The following RAPH1 variants were observed in gnomAD, a reference collection of about 807,000 sequenced individuals.
The protein encoded by RAPH1 is ras-associated and pleckstrin homology domains-containing protein 1.
Under a neutral mutation model 88.1 loss-of-function variants are expected in RAPH1, and 18 were observed. The observed-to-expected ratio is 0.20, with a 90% CI of 0.14 to 0.30. The LOEUF is 0.30. Among genes scored for constraint, RAPH1 ranks in the 10% least tolerant of loss-of-function variants. The pLI, the probability that RAPH1 is intolerant of heterozygous loss-of-function variation, is 1.00. For missense variants in RAPH1, 1,448 were observed against 1,543.2 expected (o/e 0.94, Z 1.03); for synonymous variants, 587 against 559.0 (o/e 1.05, Z -0.71).
At chr2:203,491,109 T>C (rs1371972367) in intron 3 of RAPH1, 105 bp downstream of exon 3, 1 of 615,650 alleles carries the variant, frequency 1.6e-6, no homozygotes, top group African/African-American at 1.9e-5. Context: ...GAGTTATGCA[T>C]GTAGCTTTTA....
At chr2:203,455,393 A>T in intron 9 of RAPH1, 44 bp downstream of exon 9, 2 of 1,587,356 alleles carry the variant, frequency 1.3e-6, no homozygotes, top group South Asian at 2.3e-5. Context: ...ATTAAAAGCA[A>T]TTAGCATAAT....
intron 10 of RAPH1, among the ~76,000 whole-genome samples, chr2:203,452,191 T>C (rs2098515485): frequency 6.6e-6 from 1 of 152,222 alleles, no homozygotes. Context: ...CCAATAACTT[T>C]CTTTTACGTG....
At chr2:203,510,239 C>A (rs114269949) in intron 1 of RAPH1, among the ~76,000 whole-genome samples, 1 of 143,986 alleles carries the variant, frequency 6.9e-6, no homozygotes, top group Non-Finnish European at 1.5e-5. Context: ...AGGAGGCTAA[C>A]GTAGGAAAAT....
At chr2:203,489,550 A>G (rs761449471) in intron 4 of RAPH1, 34 bp downstream of exon 4, 2 of 1,400,876 alleles carry the variant, frequency 1.4e-6, no homozygotes, top group South Asian at 2.0e-5. Context: ...TATTTTAATA[A>G]CAAAATACCA....
intron 1 of RAPH1, among the ~76,000 whole-genome samples, chr2:203,514,815 A>C (rs1049263421): frequency 6.6e-6 from 1 of 152,020 alleles, no homozygotes; most frequent in South Asian, 2.1e-4. Context: ...CAGCCTCCCA[A>C]AGTGCTAGGC....
chr2:203,506,523 A>C (rs1010713916), intron 1 of RAPH1, among the ~76,000 whole-genome samples: 1 of 149,974 alleles, frequency 6.7e-6, no homozygotes, highest in African/African-American at 2.5e-5. Context: ...CCGTCTCAAA[A>C]AAAAACAAAA....
chr2:203,491,061 G>GA (rs1688241826), intron 3 of RAPH1, among the ~76,000 whole-genome samples, 153 bp downstream of exon 3: 1 of 147,568 alleles, frequency 6.8e-6, no homozygotes, highest in African/African-American at 2.5e-5. Flanking sequence ...AAAAAAAAAA[G>GA]AAAAAAGAAA....
intron 4 of RAPH1, 99 bp from the exon 5 acceptor site, chr2:203,462,024 T>G (rs2098524593): frequency 2.3e-6 from 2 of 884,086 alleles, no homozygotes; most frequent in Non-Finnish European, 3.4e-6. Context: ...TAAATTTCAT[T>G]AAGAATATAA....
chr2:203,530,386 T>C (rs1233535769), intron 1 of RAPH1, among the ~76,000 whole-genome samples: 1 of 152,198 alleles, frequency 6.6e-6, no homozygotes, highest in African/African-American at 2.4e-5. Flanking sequence ...AAACAATCCA[T>C]TTATTTTTGT....
chr2:203,516,197 C>T (rs1337374785), intron 1 of RAPH1, among the ~76,000 whole-genome samples: 4 of 151,938 alleles, frequency 2.6e-5, no homozygotes, highest in African/African-American at 9.7e-5. Flanking sequence ...AAGTGGATTT[C>T]AATTAGTTGT....
chr2:203,478,458 T>G (rs897978428), intron 4 of RAPH1, among the ~76,000 whole-genome samples: 6 of 152,086 alleles, frequency 3.9e-5, no homozygotes, highest in African/African-American at 1.4e-4. Context: ...TACAATAAAT[T>G]ATCACTTCAT....
intron 1 of RAPH1, among the ~76,000 whole-genome samples, chr2:203,513,654 G>A (rs953774380): frequency 7.3e-5 from 11 of 150,558 alleles, no homozygotes; most frequent in South Asian, 2.1e-4. Context: ...GGCCAACATG[G>A]TGAAACCCCG....
chr2:203,472,142 T>TA lies in RAPH1; in HGVS notation c.733-10218dup, dbSNP rs1045543530. On this transcript the variant is annotated intron_variant, in intron 4 of 13. Coordinates refer to ENST00000319170, the MANE Select transcript of RAPH1 (RefSeq NM_213589.3). The stretch of plus-strand genomic sequence containing the variant: ...TTCTTTAGTTCTTTTTTTTTTTTTT[T>TA]ATTTTTTTGAGACAGAGTCTCCCTC... Among the ~76,000 whole-genome samples, 24 of 151,264 alleles carry TA rather than the reference T, an allele frequency of 1.6e-4. No homozygotes were observed. The East Asian group carries it at 4.4e-3, about 28-fold the overall frequency.
At chr2:203,513,317 A>T (rs542345479) in intron 1 of RAPH1, among the ~76,000 whole-genome samples, 1 of 146,640 alleles carries the variant, frequency 6.8e-6, no homozygotes, top group South Asian at 2.1e-4. Context: ...CTTCACTCTC[A>T]ATTTCTTCCT....
chr2:203,522,870 T>C (rs1318695300), intron 1 of RAPH1, among the ~76,000 whole-genome samples: 1 of 122,960 alleles, frequency 8.1e-6, no homozygotes, highest in Admixed American at 1.1e-4. Flanking sequence ...CACTCTAGCC[T>C]GGGCAACAGA....
At chr2:203,533,890 A>T (rs1273859310) in intron 1 of RAPH1, among the ~76,000 whole-genome samples, 1 of 152,062 alleles carries the variant, frequency 6.6e-6, no homozygotes, top group Non-Finnish European at 1.5e-5. Context: ...TGTTATTCCC[A>T]TTTTACTGAT....
chr2:203,514,990 A>G (rs999468245), intron 1 of RAPH1, among the ~76,000 whole-genome samples: 1 of 152,198 alleles, frequency 6.6e-6, no homozygotes, highest in Non-Finnish European at 1.5e-5. Flanking sequence ...CATATTTATT[A>G]TGTGGTTTTG....
chr2:203,519,670 TAAATA>T (rs1455451215), intron 1 of RAPH1, among the ~76,000 whole-genome samples: 5 of 151,710 alleles, frequency 3.3e-5, no homozygotes, highest in Admixed American at 6.6e-5. Context: ...TAAAAGGAAA[TAAATA>T]AAATAAAAAC....
At chr2:203,532,835 T>C (rs1459300266) in intron 1 of RAPH1, among the ~76,000 whole-genome samples, 1 of 152,200 alleles carries the variant, frequency 6.6e-6, no homozygotes, top group Non-Finnish European at 1.5e-5. Flanking sequence ...AGATAAGTTA[T>C]CTGCCTGAGG....
Sources: gnomAD v4.1 joint callset for allele counts (sites outside exome capture counted in the v4.1 genomes callset) on GRCh38, gnomAD v4.1.1 for gene constraint, MANE v1.5 for transcripts, NCBI Gene and HGNC (gene_info 2026-07-23, HGNC 2026-07-21) for gene names.